Variants in PDE9A observed in about 807,000 individuals in gnomAD.
PDE9A encodes the protein phosphodiesterase 9A, also known as high affinity cGMP-specific 3',5'-cyclic phosphodiesterase 9A.
In PDE9A, 60 loss-of-function variants were observed where a neutral mutation model predicts 87.4. The ratio of observed to expected loss-of-function variants is 0.69; its 90% CI spans 0.56 to 0.85. The LOEUF is 0.85. Ranked by LOEUF, PDE9A falls within the 40% of genes least tolerant of loss-of-function variation. The pLI is 0.00. For synonymous variants in PDE9A, 272 were observed against 279.4 expected (o/e 0.97, Z 0.27); for missense variants, 665 against 779.0 (o/e 0.85, Z 1.74).
chr21:42,665,349 AG>A (rs2057895369), intron 1 of PDE9A, among the ~76,000 whole-genome samples: 1 of 152,150 alleles, frequency 6.6e-6, no homozygotes, highest in Non-Finnish European at 1.5e-5. Context: ...CAGGACACTC[AG>A]GGGGTTGCCT....
In PDE9A at chr21:42,660,881, A is replaced by T. The variant is rs1408804510; in HGVS notation, c.69+6998A>T. Among the ~76,000 whole-genome samples, 1 of 151,752 alleles carries T rather than the reference A, an allele frequency of 6.6e-6. No individual in the cohort carries two copies. Among genetic ancestry groups the T allele is most frequent in the Non-Finnish European group, 1.5e-5 (1 of 67,932 alleles). On this transcript the variant is annotated intron_variant, in intron 1 of 19. Transcript: ENST00000291539. The surrounding 1 kb of genome is among the most constrained non-coding windows in gnomAD (Gnocchi z 4.7). ...TCCCTGACTGCCTGTCTCCCCCCTC[A>T]CCCTGACCACATCTCCCCAAATCCC...
At chr21:42,740,583 G>GGATGGA (rs2053036167) in intron 7 of PDE9A, among the ~76,000 whole-genome samples, 1 of 108,878 alleles carries the variant, frequency 9.2e-6, no homozygotes, top group Non-Finnish European at 2.0e-5. Context: ...AGATGGATGG[G>GGATGGA]TGGATGGATG....
At chr21:42,765,343 C>T (rs991769298) in intron 14 of PDE9A, 38 bp from the exon 15 acceptor site, 1 of 1,212,364 alleles carries the variant, frequency 8.2e-7, no homozygotes, top group African/African-American at 1.5e-5. Flanking sequence ...ATTGTTCAGA[C>T]TATACCCGTG....
intron 4 of PDE9A, among the ~76,000 whole-genome samples, chr21:42,712,528 T>C (rs953320694): frequency 5.9e-5 from 9 of 152,208 alleles, no homozygotes; most frequent in African/African-American, 2.2e-4. Flanking sequence ...CTTGTCTTGT[T>C]GTACTAGTTG....
intron 14 of PDE9A, among the ~76,000 whole-genome samples, chr21:42,763,443 G>A (rs758168388): frequency 1.3e-5 from 2 of 152,198 alleles, no homozygotes; most frequent in Non-Finnish European, 2.9e-5. Context: ...CGCAGTGATT[G>A]GAGATTTGAG....
chr21:42,775,234 C>G (rs1477874992), intron 19 of PDE9A, 46 bp from the exon 20 acceptor site: 2 of 1,606,986 alleles, frequency 1.2e-6, no homozygotes, highest in African/African-American at 2.7e-5. Context: ...GCCACCGCGC[C>G]CTAATTCTAA....
intron 3 of PDE9A, 76 bp downstream of exon 3, chr21:42,688,070 T>C: frequency 8.4e-7 from 1 of 1,195,870 alleles, no homozygotes; most frequent in South Asian, 1.2e-5. Context: ...TCTGTGATTT[T>C]GTAAATGTGC....
rs142456481 is a variant in PDE9A at position 42,775,335 on chromosome 21, G to A, written c.*42G>A. 2.3e-3 allele frequency: 3,679 copies of A among 1,599,788 alleles called. 64 individuals are homozygous for A. In the African/African-American group the frequency reaches 0.043, roughly 19 times the overall value. On this transcript the variant is annotated 3_prime_UTR_variant, in exon 20 of 20. Coordinates refer to ENST00000291539, the MANE Select transcript of PDE9A (RefSeq NM_002606.3). ...GGCTGCAGTTCTGGACGGGCTGGCCGAGCTGCGCGGGATCCTTGTGCAGGG... is the reference window on the plus strand; with the variant it reads ...GGCTGCAGTTCTGGACGGGCTGGCCAAGCTGCGCGGGATCCTTGTGCAGGG...
chr21:42,687,497 G>A lies in PDE9A; in HGVS notation c.141-420G>A, dbSNP rs186997286. Among the ~76,000 whole-genome samples, 287 of 152,272 alleles carry A rather than the reference G, an allele frequency of 1.9e-3. 2 individuals carry two copies. Among genetic ancestry groups the A allele is most frequent in the Admixed American group, 0.016 (241 of 15,300 alleles). ...GAGGTTGGAGGAAGACTCATCCTAA[G>A]CATTTAAAACTATTTTGTAGGAGAG... is the stretch of plus-strand genomic sequence containing the variant. On this transcript the variant is annotated intron_variant, in intron 2 of 19. Coordinates refer to ENST00000291539, the MANE Select transcript of PDE9A (RefSeq NM_002606.3).
In PDE9A at chr21:42,694,903, T is replaced by C. The variant is rs1338054161; in HGVS notation, c.219-4065T>C. ...CTTGTCTCCAATCTGCTGAGCTGCA[T>C]GAATGCCCACCCCAGCCCAGCGGGC... is the stretch of plus-strand genomic sequence containing the variant. On this transcript the variant is annotated intron_variant, in intron 3 of 19. Coordinates refer to ENST00000291539, the MANE Select transcript of PDE9A (RefSeq NM_002606.3). The surrounding 1 kb of genome is among the most constrained non-coding windows in gnomAD (Gnocchi z 5.3). Among the ~76,000 whole-genome samples, 2 of 152,186 alleles carry C rather than the reference T, an allele frequency of 1.3e-5. No homozygotes were observed. The highest frequency in any genetic ancestry group is 1.9e-4 in the East Asian group (1 of 5,188).
intron 15 of PDE9A, 48 bp from the exon 16 acceptor site, chr21:42,768,138 GGC>G: frequency 4.2e-5 from 43 of 1,014,090 alleles, no homozygotes; most frequent in Non-Finnish European, 4.8e-5. Context: ...AGCAGCAGCA[GGC>G]CCGTGTTCTA....
intron 1 of PDE9A, among the ~76,000 whole-genome samples, chr21:42,679,174 C>T (rs576768397): frequency 7.9e-5 from 12 of 152,218 alleles, no homozygotes; most frequent in Admixed American, 3.9e-4. Context: ...AAGGAAGTGT[C>T]GATGCCAGGC....
Position 42,749,522 on chromosome 21 carries a change from A to C in PDE9A, c.654-1594A>C, listed in dbSNP as rs375428728. ...CACCCTGAAGCCAGCACACTGCCCA[A>C]CCGGAAGGTGGCTTTCCTCTGAAAC... On this transcript the variant is annotated intron_variant, in intron 8 of 19. Transcript: ENST00000291539. Among the ~76,000 whole-genome samples, 7 of 152,328 alleles carry C rather than the reference A, an allele frequency of 4.6e-5. No homozygotes were observed. The East Asian group carries it at 1.4e-3, about 29-fold the overall frequency.
intron 1 of PDE9A, among the ~76,000 whole-genome samples, chr21:42,670,267 A>C (rs1262165928): frequency 1.5e-5 from 1 of 68,790 alleles, no homozygotes; most frequent in Non-Finnish European, 2.5e-5. Context: ...ATTCACACAC[A>C]TATTCACACA....
intron 19 of PDE9A, among the ~76,000 whole-genome samples, chr21:42,773,636 CTT>C (rs2057229923): frequency 3.3e-5 from 5 of 150,748 alleles, no homozygotes; most frequent in South Asian, 2.1e-4. Flanking sequence ...CCCGTCTCTA[CTT>C]TAAACACAAA....
intron 3 of PDE9A, among the ~76,000 whole-genome samples, chr21:42,693,243 A>G (rs1407257781): frequency 6.6e-6 from 1 of 151,716 alleles, no homozygotes; most frequent in African/African-American, 2.4e-5. Context: ...CCTGTAAGCT[A>G]GTTCCACTAA....
At chr21:42,661,304 T>G (rs946268283) in intron 1 of PDE9A, among the ~76,000 whole-genome samples, 1 of 151,672 alleles carries the variant, frequency 6.6e-6, no homozygotes, top group African/African-American at 2.4e-5. Context: ...GCTGGGATTA[T>G]AGGCGTGAGC....
intron 1 of PDE9A, among the ~76,000 whole-genome samples, chr21:42,668,891 T>TCC (rs1569112468): frequency 6.4e-5 from 7 of 108,830 alleles, no homozygotes; most frequent in African/African-American, 2.0e-4. Flanking sequence ...TCAGAGCTGC[T>TCC]CCCTCCACCC....
At chr21:42,729,031 C>T (rs2051447227) in intron 4 of PDE9A, among the ~76,000 whole-genome samples, 1 of 150,358 alleles carries the variant, frequency 6.7e-6, no homozygotes. Flanking sequence ...TGGTAGTGTT[C>T]CCTCCTCTTC....
Sources: allele counts gnomAD v4.1 joint callset (sites outside exome capture counted in the v4.1 genomes callset), GRCh38; gene constraint gnomAD v4.1.1; non-coding constraint Gnocchi (gnomAD v3.1); transcripts MANE v1.5; gene names NCBI Gene and HGNC (gene_info 2026-07-23, HGNC 2026-07-21).